The following CUBN variants were observed in gnomAD, a reference collection of about 807,000 sequenced individuals.
CUBN encodes cubilin.
Under a neutral mutation model 405.3 loss-of-function variants are expected in CUBN, and 282 were observed. The observed-to-expected ratio is 0.70, with a 90% CI of 0.63 to 0.77. CUBN has a LOEUF of 0.77. CUBN is among the 30% of genes least tolerant of loss of function. The pLI, the probability that CUBN is intolerant of heterozygous loss-of-function variation, is 0.00. For missense variants in CUBN, 4,514 were observed against 4,475.2 expected, an observed-to-expected ratio of 1.01 and a Z score of -0.25; for synonymous variants, 1,684 against 1,617.0, an observed-to-expected ratio of 1.04 and a Z score of -0.99.
chr10:17,066,970 A>G (rs577698324), intron 21 of CUBN, among the ~76,000 whole-genome samples: 1 of 152,254 alleles, frequency 6.6e-6, no homozygotes, highest in East Asian at 1.9e-4. Context: ...GACAGGAAAC[A>G]AATGAGTTTA....
intron 40 of CUBN, among the ~76,000 whole-genome samples, chr10:16,932,663 T>G (rs975004005): frequency 6.6e-6 from 1 of 152,172 alleles, no homozygotes; most frequent in Non-Finnish European, 1.5e-5. Flanking sequence ...TGGACTCAAG[T>G]GATCCTTCTC....
In CUBN at chr10:16,933,071, T is replaced by C. The variant is rs557318064; in HGVS notation, c.6124+16A>G. ...GTGTCAGGGTTGAAACTCAGCATTCTTTATAATGTTCTCACCATCTCGTAT... is the reference window on the plus strand; with the variant it reads ...GTGTCAGGGTTGAAACTCAGCATTCCTTATAATGTTCTCACCATCTCGTAT... On this transcript the variant is annotated intron_variant, in intron 40 of 66. Transcript: ENST00000377833. 1.2e-6 allele frequency: 2 copies of C among 1,612,508 alleles called. No homozygotes were observed. Among genetic ancestry groups the C allele is most frequent in the African/African-American group, 2.7e-5 (2 of 74,982 alleles).
intron 28 of CUBN, among the ~76,000 whole-genome samples, chr10:17,007,460 G>T (rs1356942711): frequency 6.6e-6 from 1 of 152,210 alleles, no homozygotes; most frequent in Non-Finnish European, 1.5e-5. Flanking sequence ...CGTTCACAAA[G>T]AAGCATATTT....
In CUBN at chr10:17,122,844, A is replaced by G. The variant is rs755414730; in HGVS notation, c.544T>C (p.Leu182=). The G allele has an allele frequency of 1.2e-6, 2 of 1,613,998 alleles. No individual in the cohort carries two copies. Among genetic ancestry groups the G allele is most frequent in the South Asian group, 2.2e-5 (2 of 91,070 alleles). Residue 182 remains leucine (L), a synonymous_variant, in exon 6 of 67, where the codon TTG becomes CTG. Transcript: ENST00000377833. The part of the protein sequence containing the change: ...NECEIYSGTP[L]SCQNGGTCVN... ...CATGTGCCTCCATTCTGGCAGCTCA[A>G]GGGTGTTCCTGAGTAAATCTCACAT...
chr10:16,983,972 G>A (rs1238749531), intron 30 of CUBN, 133 bp downstream of exon 30: 6 of 935,514 alleles, frequency 6.4e-6, no homozygotes, highest in Middle Eastern at 2.5e-4. Flanking sequence ...GTATATGTCA[G>A]GTCTCAGTAG....
intron 59 of CUBN, 144 bp from the exon 60 acceptor site, chr10:16,851,587 C>T (rs1047355084): frequency 2.6e-6 from 2 of 772,162 alleles, no homozygotes; most frequent in African/African-American, 1.7e-5. Flanking sequence ...GGGCTCCCTC[C>T]TTTCCTCCCT....
chr10:16,984,335 C>T, intron 29 of CUBN, 56 bp from the exon 30 acceptor site: 4 of 1,533,996 alleles, frequency 2.6e-6, no homozygotes, highest in Non-Finnish European at 3.6e-6. Flanking sequence ...AATTACAGGC[C>T]CTTGCTCTGG....
chr10:16,900,527 ACTAAGC>A (rs1841326927), intron 53 of CUBN, 92 bp downstream of exon 53: 1 of 956,160 alleles, frequency 1.0e-6, no homozygotes, highest in Admixed American at 1.8e-5. Flanking sequence ...AATATTTAGA[ACTAAGC>A]CTGATGTAAA....
intron 31 of CUBN, among the ~76,000 whole-genome samples, chr10:16,964,771 C>T (rs181202529): frequency 1.2e-4 from 18 of 152,290 alleles, no homozygotes; most frequent in South Asian, 6.2e-4. Flanking sequence ...CTCTTGCTGC[C>T]GCCAGGAATG....
At chr10:16,917,094 G>A (rs1376437377) in intron 45 of CUBN, among the ~76,000 whole-genome samples, 7 of 151,996 alleles carry the variant, frequency 4.6e-5, no homozygotes, top group Non-Finnish European at 7.4e-5. Flanking sequence ...TTACAAGCAT[G>A]AGCCACCATG....
chr10:16,871,851 T>A (rs191545312), intron 58 of CUBN, among the ~76,000 whole-genome samples: 7 of 152,336 alleles, frequency 4.6e-5, no homozygotes, highest in Non-Finnish European at 1.0e-4. Context: ...TTTATTAATG[T>A]CTGCATCTTC....
intron 46 of CUBN, among the ~76,000 whole-genome samples, chr10:16,915,569 T>A (rs573518894): frequency 6.6e-6 from 1 of 152,060 alleles, no homozygotes; most frequent in South Asian, 2.1e-4. Context: ...CAGCAAGAGG[T>A]GCCTTCCCAC....
At chr10:16,947,446 A>G in intron 35 of CUBN, 79 bp from the exon 36 acceptor site, 1 of 1,396,498 alleles carries the variant, frequency 7.2e-7, no homozygotes, top group East Asian at 2.3e-5. Flanking sequence ...AAAGAACGCT[A>G]GAGCCATTAT....
chr10:16,956,731 G>A (rs1223689500), intron 31 of CUBN, among the ~76,000 whole-genome samples: 1 of 152,056 alleles, frequency 6.6e-6, no homozygotes, highest in African/African-American at 2.4e-5. Flanking sequence ...ACAGAGTATG[G>A]AGAATACACC....
chr10:17,076,770 T>C (rs2131854605), intron 17 of CUBN, among the ~76,000 whole-genome samples: 1 of 152,222 alleles, frequency 6.6e-6, no homozygotes, highest in Admixed American at 6.5e-5. Context: ...CTTTTACTTT[T>C]CCCCCAGCAA....
At chr10:16,990,227 G>A in intron 29 of CUBN, 107 bp downstream of exon 29, 1 of 1,049,326 alleles carries the variant, frequency 9.5e-7, no homozygotes, top group Non-Finnish European at 1.5e-6. Context: ...AAATGTCTAA[G>A]AATAGAACAC....
chr10:16,960,516 C>T (rs1358753688), intron 31 of CUBN, among the ~76,000 whole-genome samples: 1 of 151,772 alleles, frequency 6.6e-6, no homozygotes, highest in African/African-American at 2.4e-5. Flanking sequence ...AAAAAACCCC[C>T]ACAAAAACAA....
intron 27 of CUBN, 147 bp from the exon 28 acceptor site, chr10:17,020,130 A>C: frequency 1.3e-6 from 1 of 794,910 alleles, no homozygotes; most frequent in Non-Finnish European, 2.1e-6. Flanking sequence ...AGAACTCAAC[A>C]TAAGAATTAA....
chr10:17,008,541 C>G (rs1234779676), intron 28 of CUBN, among the ~76,000 whole-genome samples: 1 of 151,920 alleles, frequency 6.6e-6, no homozygotes, highest in South Asian at 2.1e-4. Flanking sequence ...GTTCCATCCT[C>G]TTGACTTCTC....
Sources: gnomAD v4.1 joint callset for allele counts (sites outside exome capture counted in the v4.1 genomes callset) on GRCh38, gnomAD v4.1.1 for gene constraint, MANE v1.5 for transcripts, NCBI Gene and HGNC (gene_info 2026-07-23, HGNC 2026-07-21) for gene names.